The following SHF variants were observed in gnomAD, a reference collection of about 807,000 sequenced individuals.
SHF encodes the protein SH2 domain-containing adapter protein F.
Under a neutral mutation model 42.4 loss-of-function variants are expected in SHF, and 30 were observed. The ratio of observed to expected loss-of-function variants is 0.71; its 90% confidence interval spans 0.53 to 0.96. SHF has a LOEUF of 0.96. Ranked by LOEUF, SHF falls within the 40% of genes least tolerant of loss-of-function variation. The pLI, the probability that SHF is intolerant of heterozygous loss-of-function variation, is 0.00. For synonymous variants in SHF, 264 were observed against 269.9 expected (o/e 0.98, Z 0.21); for missense variants, 598 against 634.0 (o/e 0.94, Z 0.61).
Position 45,187,523 on chromosome 15 carries a change from G to C in SHF, c.429C>G (p.Val143=). 8.1e-7 allele frequency: 1 copy of C among 1,231,706 alleles called. No individual in the cohort carries two copies. Among genetic ancestry groups the C allele is most frequent in the Non-Finnish European group, 1.0e-6 (1 of 987,572 alleles). The allele number at this position is 1,231,706 out of a possible 1,614,324, so 76.3% of individuals were successfully genotyped here. A position where few individuals can be genotyped will look rare whatever the true frequency, so the allele number is the denominator to read the frequency against. ...HGSPPHRLIR[V]ETPGPPAPPA... is the part of the protein sequence containing the mutation. ...GCGGCGCCGGGGGCCCCGGGGTCTC[G>C]ACCCGAATAAGGCGGTGTGGGGGAG... is the stretch of plus-strand genomic sequence containing the variant. Residue 143 remains valine (V), a synonymous_variant, in exon 1 of 7, where the codon GTC becomes GTG. Transcript: ENST00000690270.
intron 2 of SHF, among the ~76,000 whole-genome samples, chr15:45,194,020 T>C (rs867821094): frequency 6.7e-6 from 1 of 149,546 alleles, no homozygotes; most frequent in South Asian, 2.1e-4. Context: ...GAGGATTGCT[T>C]GAGCCTGGGA....
chr15:45,182,230 T>C (rs1325117770), intron 1 of SHF, among the ~76,000 whole-genome samples: 2 of 152,136 alleles, frequency 1.3e-5, no homozygotes, highest in Non-Finnish European at 2.9e-5. Context: ...GGGGCACACG[T>C]TACAATGTGT....
Position 45,173,609 on chromosome 15 carries a change from G to T in SHF, c.955C>A (p.Pro319Thr). Residue 319 changes from proline to threonine, a missense_variant, in exon 4 of 7, where the codon CCC becomes ACC. Physicochemically the swap from Pro to Thr is conservative, Grantham distance 38 (BLOSUM62 -1). Around this residue, in one of 2 missense-constraint regions of SHF, gnomAD observed 439 missense variants for 524.6 expected, o/e 0.84. Transcript: ENST00000690270. ...TCCTCCAGGCTGGGCTCAGGGAGGGGCGAGGCTGGACCGGAGATGTCCCTG... is the reference window on the plus strand; with the variant it reads ...TCCTCCAGGCTGGGCTCAGGGAGGGTCGAGGCTGGACCGGAGATGTCCCTG... ...GDRDISGPAS[P>T]LPEPSLEDSS... The T allele has an allele frequency of 6.5e-7, 1 of 1,545,716 alleles. No homozygotes were observed.
Position 45,187,754 on chromosome 15 carries a change from G to GC in SHF, c.197dup (p.Ser67GlnfsTer88). The stretch of plus-strand genomic sequence containing the variant: ...CGGGCTCGGGGGGCGCCGGCTTGCT[G>GC]CCCCCTCCGCCGCCGCCCCCCCCGC... On this transcript the variant is annotated frameshift_variant, in exon 1 of 7. Coordinates refer to ENST00000690270, the MANE Select transcript of SHF (RefSeq NM_001394037.1). LOFTEE classifies it high-confidence loss of function. 1 of 958,710 alleles carries GC rather than the reference G, an allele frequency of 1.0e-6. No homozygotes were observed. Among genetic ancestry groups the GC allele is most frequent in the Non-Finnish European group, 1.3e-6 (1 of 746,274 alleles). 59.4% of individuals were successfully genotyped at this position (958,710 alleles called of 1,614,324 possible). A position where few individuals can be genotyped will look rare whatever the true frequency, so the allele number is the denominator to read the frequency against.
At chr15:45,200,970 G>T in exon 1 of SHF, 1 of 417,850 alleles carries the variant, frequency 2.4e-6, no homozygotes, top group South Asian at 1.7e-5. Flanking sequence ...CGGTCCGTGC[G>T]TACAGCCAAG....
chr15:45,192,392 G>A (rs1375949069), upstream of SHF, among the ~76,000 whole-genome samples: 5 of 106,044 alleles, frequency 4.7e-5, no homozygotes, highest in African/African-American at 2.0e-4. Flanking sequence ...TTTTGAGACA[G>A]AGTCTCGCTC....
intron 1 of SHF, among the ~76,000 whole-genome samples, chr15:45,186,135 A>G (rs561334839): frequency 6.6e-6 from 1 of 152,370 alleles, no homozygotes; most frequent in African/African-American, 2.4e-5. Flanking sequence ...ACATCACACA[A>G]TAGCAGGGGA....
intron 2 of SHF, among the ~76,000 whole-genome samples, chr15:45,177,673 A>G (rs1170290643): frequency 6.6e-6 from 1 of 151,898 alleles, no homozygotes; most frequent in Non-Finnish European, 1.5e-5. Flanking sequence ...GATCTCCCCT[A>G]TTTGATCTCT....
At chr15:45,172,897 C>T (rs1362371508) in intron 4 of SHF, among the ~76,000 whole-genome samples, 2 of 152,044 alleles carry the variant, frequency 1.3e-5, no homozygotes, top group Admixed American at 6.6e-5. Context: ...AGAGGCAGCA[C>T]CTCTGCCCTC....
intron 5 of SHF, 41 bp downstream of exon 5, chr15:45,172,106 A>G: frequency 1.2e-6 from 2 of 1,613,642 alleles, no homozygotes; most frequent in Non-Finnish European, 1.7e-6. Context: ...CCAGGAGGGG[A>G]GGAGTGGGGA....
rs1426546432 is a variant in SHF at position 45,175,240 on chromosome 15, G to A, written c.826C>T (p.Arg276Trp). The A allele has an allele frequency of 4.3e-6, 7 of 1,610,150 alleles. No homozygotes were observed. Among genetic ancestry groups the A allele is most frequent in the East Asian group, 2.2e-5 (1 of 44,842 alleles). Residue 276 changes from arginine to tryptophan, a missense_variant, in exon 3 of 7, where the codon CGG becomes TGG. Coordinates refer to ENST00000690270, the MANE Select transcript of SHF (RefSeq NM_001394037.1). ...YDQPWEWKKE[R>W]ISKAFAVDIK... ...TCACCTGCAAAGGCTTTGGAAATCCGCTCCTTCTTCCACTCCCAGGGCTGG... is the reference window on the plus strand; with the variant it reads ...TCACCTGCAAAGGCTTTGGAAATCCACTCCTTCTTCCACTCCCAGGGCTGG...
At chr15:45,183,405 G>A (rs796431492) in intron 1 of SHF, among the ~76,000 whole-genome samples, 3 of 151,074 alleles carry the variant, frequency 2.0e-5, no homozygotes, top group African/African-American at 7.4e-5. Flanking sequence ...TATTATTAAA[G>A]ACAAAAAGAC....
In SHF at chr15:45,199,953, C is replaced by CAAAAAA. The variant is rs56982094; in HGVS notation, c.-47+768_-47+773dup. ...TGGGTGACAGAGCGAGGCTCCATCT[C>CAAAAAA]AAAAAAAAAAAAAAAAAAAAAAAAA... On this transcript the variant is annotated intron_variant, in intron 1 of 7. Transcript: ENST00000290894. 13 of 59,520 alleles carry CAAAAAA rather than the reference C, an allele frequency of 2.2e-4. No homozygotes were observed. In the East Asian group the frequency reaches 2.9e-3, roughly 13 times the overall value. 3.7% of individuals were successfully genotyped at this position (59,520 alleles called of 1,614,324 possible).
upstream of SHF, among the ~76,000 whole-genome samples, chr15:45,191,899 G>A (rs2141441155): frequency 6.6e-6 from 1 of 150,720 alleles, no homozygotes; most frequent in South Asian, 2.1e-4. Context: ...AACCAGGCTG[G>A]GCAACACGGT....
chr15:45,192,358 ATTTTTTTTTTTTTTT>A (rs1193075020), upstream of SHF, among the ~76,000 whole-genome samples: 1 of 75,578 alleles, frequency 1.3e-5, no homozygotes, highest in African/African-American at 6.3e-5. Context: ...CTGATTCCAG[ATTTTTTTTTTTTTTT>A]TTTTTTTTTT....
intron 6 of SHF, chr15:45,170,388 C>T: frequency 1.6e-6 from 2 of 1,287,874 alleles, no homozygotes; most frequent in Non-Finnish European, 2.0e-6. Context: ...TAAAGCAATA[C>T]ACATTTCTGA....
intron 1 of SHF, among the ~76,000 whole-genome samples, chr15:45,178,823 G>A (rs371744417): frequency 1.3e-5 from 2 of 152,256 alleles, no homozygotes; most frequent in Admixed American, 6.5e-5. Flanking sequence ...GTGAGCCACC[G>A]CGCCCGGCCC....
At chr15:45,168,678 C>A (rs904258694) in intron 6 of SHF, among the ~76,000 whole-genome samples, 1 of 152,214 alleles carries the variant, frequency 6.6e-6, no homozygotes, top group Non-Finnish European at 1.5e-5. Context: ...CCCCCAAAAT[C>A]TGGGAGTGCT....
At chr15:45,200,526 C>G (rs574979227) in intron 1 of SHF, 1 of 360,256 alleles carries the variant, frequency 2.8e-6, no homozygotes, top group South Asian at 2.1e-5. Context: ...CGCCTGAACT[C>G]TTCTCTGTTG....
Sources: gnomAD v4.1 joint callset for allele counts (sites outside exome capture counted in the v4.1 genomes callset) on GRCh38, gnomAD v4.1.1 for gene constraint, gnomAD v4.1.1 regional missense constraint, MANE v1.5 for transcripts, NCBI Gene and HGNC (gene_info 2026-07-23, HGNC 2026-07-21) for gene names.